Variants in EBPL observed in about 807,000 individuals in gnomAD.
EBPL encodes the protein EBP like, also known as emopamil-binding protein-like.
In EBPL, 20 loss-of-function variants were observed where a neutral mutation model predicts 19.0. The ratio of observed to expected loss-of-function variants is 1.05; its 90% CI spans 0.74 to 1.53. The LOEUF (loss-of-function observed/expected upper bound fraction) is 1.53. Among genes scored for constraint, EBPL ranks in the 40% most tolerant of loss-of-function variants. The pLI is 0.00. For missense variants in EBPL, 219 were observed against 261.1 expected (o/e 0.84, Z 1.11); for synonymous variants, 107 against 117.0 (o/e 0.91, Z 0.55).
intron 1 of EBPL, among the ~76,000 whole-genome samples, chr13:49,681,135 T>G (rs1410752605): frequency 1.3e-5 from 2 of 152,222 alleles, no homozygotes; most frequent in African/African-American, 4.8e-5. Flanking sequence ...AAAATTTGGT[T>G]TAAAAAATAC....
At chr13:49,674,074 A>T (rs1953849762) in intron 1 of EBPL, among the ~76,000 whole-genome samples, 1 of 152,154 alleles carries the variant, frequency 6.6e-6, no homozygotes, top group African/African-American at 2.4e-5. Flanking sequence ...CTATAGTTTT[A>T]CAAAATTTTT....
intron 1 of EBPL, among the ~76,000 whole-genome samples, chr13:49,671,445 A>T (rs1320554681): frequency 6.6e-6 from 1 of 152,146 alleles, no homozygotes; most frequent in Non-Finnish European, 1.5e-5. Context: ...GGCTCCAAAA[A>T]TCATATCCCT....
intron 1 of EBPL, among the ~76,000 whole-genome samples, chr13:49,673,962 TACACACACACACACACACAC>T (rs56323070): frequency 2.1e-5 from 3 of 143,270 alleles, no homozygotes; most frequent in African/African-American, 7.7e-5. Flanking sequence ...TGGAACTTAA[TACACACACACACACACACAC>T]ACACACACAC....
At chr13:49,666,733 A>AAAAAAAT (rs1566313741) in intron 2 of EBPL, among the ~76,000 whole-genome samples, 2 of 139,876 alleles carry the variant, frequency 1.4e-5, no homozygotes, top group African/African-American at 2.7e-5. Flanking sequence ...AAAAAAAAAA[A>AAAAAAAT]ACAAAAATTA....
At position 49,691,400 on chromosome 13, in the gene EBPL, C is replaced by T. The variant is rs1187384124; in HGVS notation, c.25G>A (p.Ala9Thr). The T allele has an allele frequency of 2.9e-6, 4 of 1,357,722 alleles. No individual in the cohort carries two copies. The highest frequency in any genetic ancestry group is 5.6e-5 in the East Asian group (2 of 35,808). The allele number at this position is 1,357,722 out of a possible 1,614,324, so 84.1% of individuals were successfully genotyped here. A position where few individuals can be genotyped will look rare whatever the true frequency, so the allele number is the denominator to read the frequency against. Residue 9 changes from alanine to threonine, a missense_variant, in exon 1 of 4, where the codon GCC becomes ACC. Physicochemically the swap from Ala to Thr is moderately conservative, Grantham distance 58. This residue lies in a region of EBPL where 170 missense variants were observed against 167.0 expected (regional missense o/e 1.02). Transcript: ENST00000242827. Reference protein sequence around the residue: MGAEWELGAEAGGSLLLCA... With the variant: MGAEWELGTEAGGSLLLCA... Reference sequence around the variant, plus strand: ...AGCAGCAGCGAACCGCCAGCCTCGGCCCCCAGCTCCCACTCAGCGCCCATG... The same window carrying T: ...AGCAGCAGCGAACCGCCAGCCTCGGTCCCCAGCTCCCACTCAGCGCCCATG...
At chr13:49,670,997 T>C (rs1953810101) in intron 1 of EBPL, among the ~76,000 whole-genome samples, 1 of 152,208 alleles carries the variant, frequency 6.6e-6, no homozygotes, top group South Asian at 2.1e-4. Flanking sequence ...TTCTAAAAGC[T>C]GAAAAAGCCA....
intron 1 of EBPL, among the ~76,000 whole-genome samples, chr13:49,676,922 G>A (rs1204161718): frequency 6.6e-6 from 1 of 151,946 alleles, no homozygotes; most frequent in Non-Finnish European, 1.5e-5. Context: ...TTTTTTTTTA[G>A]TGATAGCAGA....
At chr13:49,674,597 T>TC (rs1386261553) in intron 1 of EBPL, among the ~76,000 whole-genome samples, 1 of 147,118 alleles carries the variant, frequency 6.8e-6, no homozygotes, top group Non-Finnish European at 1.5e-5. Context: ...CTTTTTTTTT[T>TC]TTTGGCAACT....
chr13:49,683,683 CA>C (rs1178825806), intron 1 of EBPL, among the ~76,000 whole-genome samples: 2 of 152,070 alleles, frequency 1.3e-5, no homozygotes, highest in Non-Finnish European at 2.9e-5. Context: ...TGACTAAAAA[CA>C]AAAGTAAAAA....
intron 1 of EBPL, among the ~76,000 whole-genome samples, chr13:49,690,422 A>C (rs1954049070): frequency 6.7e-6 from 1 of 150,062 alleles, no homozygotes; most frequent in South Asian, 2.1e-4. Context: ...ACTTTACAAA[A>C]AAAAAAAAAA....
chr13:49,668,526 AT>A, intron 2 of EBPL: 1 of 331,184 alleles, frequency 3.0e-6, no homozygotes, highest in Middle Eastern at 5.6e-4. Flanking sequence ...GTGAGCCGAG[AT>A]GGTGCCACTG....
chr13:49,684,583 G>A (rs1472295610), intron 1 of EBPL, among the ~76,000 whole-genome samples: 1 of 152,206 alleles, frequency 6.6e-6, no homozygotes, highest in Admixed American at 6.5e-5. Flanking sequence ...GCTGAGGCAG[G>A]AGAACTGCTT....
At chr13:49,670,420 T>C (rs1239024494) in intron 1 of EBPL, among the ~76,000 whole-genome samples, 2 of 152,238 alleles carry the variant, frequency 1.3e-5, no homozygotes, top group Non-Finnish European at 2.9e-5. Flanking sequence ...CTGAAGTGCT[T>C]CTTTGCCTAA....
At chr13:49,671,974 G>C (rs1953821651) in intron 1 of EBPL, among the ~76,000 whole-genome samples, 1 of 152,146 alleles carries the variant, frequency 6.6e-6, no homozygotes, top group Non-Finnish European at 1.5e-5. Flanking sequence ...TCAAATCCCA[G>C]CCCTAACCCC....
intron 1 of EBPL, among the ~76,000 whole-genome samples, chr13:49,684,173 ATAC>A (rs1287283984): frequency 6.6e-6 from 1 of 152,216 alleles, no homozygotes; most frequent in African/African-American, 2.4e-5. Context: ...GAAACGTTCT[ATAC>A]TACGATTGCA....
rs1378794192 is a variant in EBPL, at chr13:49,668,312, G to A, written c.241+1465C>T. The A allele has an allele frequency of 2.0e-5, 4 of 202,148 alleles. No individual in the cohort carries two copies. In the East Asian group the frequency reaches 5.1e-4, roughly 26 times the overall value. The allele number at this position is 202,148 out of a possible 1,614,324, so 12.5% of individuals were successfully genotyped here. A position where few individuals can be genotyped will look rare whatever the true frequency, so the allele number is the denominator to read the frequency against. The stretch of plus-strand genomic sequence containing the variant: ...ATATGGGCCAGGCGCGGTGGCTCAT[G>A]CCTATAACCCCAGCACTTTGGGAGG... On this transcript the variant is annotated intron_variant, in intron 2 of 3. Transcript: ENST00000242827.
intron 2 of EBPL, among the ~76,000 whole-genome samples, chr13:49,666,674 T>C (rs2137486277): frequency 7.8e-6 from 1 of 128,700 alleles, no homozygotes; most frequent in African/African-American, 3.0e-5. Flanking sequence ...ATAGCACCAC[T>C]GCAGTCCAGC....
rs1965174905 is a variant in EBPL at position 49,663,215 on chromosome 13, T to C, written c.242-20A>G. ...CTTTCCCTAAAGACAAAATCCATGT[T>C]GTTACTCAAATGGCAACAATTTTTA... is the stretch of plus-strand genomic sequence containing the variant. On this transcript the variant is annotated intron_variant, in intron 2 of 3. Transcript: ENST00000242827. 1 of 1,611,602 alleles carries C rather than the reference T, an allele frequency of 6.2e-7. No individual in the cohort carries two copies. Among genetic ancestry groups the C allele is most frequent in the African/African-American group, 1.3e-5 (1 of 75,022 alleles).
intron 2 of EBPL, among the ~76,000 whole-genome samples, chr13:49,664,346 G>A (rs1221712589): frequency 6.6e-6 from 1 of 152,186 alleles, no homozygotes; most frequent in Non-Finnish European, 1.5e-5. Flanking sequence ...ACTGCAGAAT[G>A]AATCGGAGTG....
Sources: gnomAD v4.1 joint callset for allele counts (sites outside exome capture counted in the v4.1 genomes callset) on GRCh38, gnomAD v4.1.1 for gene constraint, gnomAD v4.1.1 regional missense constraint, MANE v1.5 for transcripts, NCBI Gene and HGNC (gene_info 2026-07-23, HGNC 2026-07-21) for gene names.